Variants in ADAMTSL2 observed in about 807,000 individuals in gnomAD.
The protein encoded by ADAMTSL2 is ADAMTS-like protein 2.
Under a neutral mutation model 117.0 loss-of-function variants are expected in ADAMTSL2, and 55 were observed. The observed-to-expected ratio is 0.47, with a 90% confidence interval of 0.38 to 0.59. The LOEUF is 0.59. Among genes scored for constraint, ADAMTSL2 ranks in the 20% least tolerant of loss-of-function variants. ADAMTSL2 has a pLI of 0.00. For synonymous variants in ADAMTSL2, 572 were observed against 566.4 expected, an observed-to-expected ratio of 1.01 and a Z score of -0.14; for missense variants, 1,182 against 1,354.5, an observed-to-expected ratio of 0.87 and a Z score of 2.00.
intron 7 of ADAMTSL2, among the ~76,000 whole-genome samples, chr9:133,544,020 C>A (rs1375655134): frequency 6.6e-6 from 1 of 152,260 alleles, no homozygotes; most frequent in African/African-American, 2.4e-5. Flanking sequence ...TGTCCTTTCT[C>A]ACCCACGTCT....
At chr9:133,551,909 A>C (rs1409358078) in intron 9 of ADAMTSL2, among the ~76,000 whole-genome samples, 1 of 148,228 alleles carries the variant, frequency 6.7e-6, no homozygotes, top group African/African-American at 2.5e-5. Flanking sequence ...AGCTCCCTGC[A>C]ACCTCCGCCT....
In ADAMTSL2 at chr9:133,574,794, A is replaced by G. The variant is rs1409086008; in HGVS notation, c.2786A>G (p.Lys929Arg). The G allele has an allele frequency of 5.6e-6, 9 of 1,613,608 alleles. No individual in the cohort carries two copies. Among genetic ancestry groups the G allele is most frequent in the Middle Eastern group, 3.3e-4 (2 of 6,084 alleles). Residue 929 changes from lysine to arginine, a missense_variant, in exon 19 of 19, where the codon AAA becomes AGA. Lys to Arg is a conservative substitution (Grantham distance 26). Transcript: ENST00000651351. The stretch of plus-strand genomic sequence containing the variant: ...GGCACCAACTGTGCCCTGGCCATCA[A>G]AGTGAACCTCTGCGGGCACTGGTAC... ...QPGTNCALAI[K>R]VNLCGHWYYS...
Position 133,570,336 on chromosome 9 carries a change from C to T in ADAMTSL2, c.2421C>T (p.Asn807=), listed in dbSNP as rs953131342. The T allele has an allele frequency of 1.3e-6, 2 of 1,544,982 alleles. No homozygotes were observed. The highest frequency in any genetic ancestry group is 1.7e-6 in the Non-Finnish European group (2 of 1,146,954). Residue 807 remains asparagine (N), a synonymous_variant, in exon 17 of 19, where the codon AAC becomes AAT. Coordinates refer to ENST00000651351, the MANE Select transcript of ADAMTSL2 (RefSeq NM_014694.4). ...TCCCTCTGCCCCGGCCTCAGTGCAACACCACCTGCGGGCGCGGGGTCAAGA... is the reference window on the plus strand; with the variant it reads ...TCCCTCTGCCCCGGCCTCAGTGCAATACCACCTGCGGGCGCGGGGTCAAGA... ...HWLAQDWERC[N]TTCGRGVKKR...
Position 133,534,772 on chromosome 9 carries a change from CG to C in ADAMTSL2, c.-291del. On this transcript the variant is annotated 5_prime_UTR_variant, in exon 1 of 19. An upstream open reading frame in the 5' UTR gains an earlier in-frame stop. Coordinates refer to ENST00000651351, the MANE Select transcript of ADAMTSL2 (RefSeq NM_014694.4). ...TTTGAAGTGGGAGAGGGAGGCGGCGCGGGGGAGGAGGGGAAGGGGAGAGGGA... is the reference window on the plus strand; with the variant it reads ...TTTGAAGTGGGAGAGGGAGGCGGCGCGGGGAGGAGGGGAAGGGGAGAGGGA... 1 of 1,462,074 alleles carries C rather than the reference CG, an allele frequency of 6.8e-7. No homozygotes were observed. The highest frequency in any genetic ancestry group is 9.1e-7 in the Non-Finnish European group (1 of 1,100,186). 90.6% of individuals were successfully genotyped at this position (1,462,074 alleles called of 1,614,324 possible). A position where few individuals can be genotyped will look rare whatever the true frequency, so the allele number is the denominator to read the frequency against.
chr9:133,544,119 G>A (rs1322293190), intron 7 of ADAMTSL2, among the ~76,000 whole-genome samples: 1 of 152,238 alleles, frequency 6.6e-6, no homozygotes, highest in Admixed American at 6.5e-5. Context: ...GGGAGCTGGG[G>A]CTCCATCGGC....
At chr9:133,569,334 GGACT>G (rs1274012947) in intron 15 of ADAMTSL2, 70 bp from the exon 16 acceptor site, 1 of 1,517,654 alleles carries the variant, frequency 6.6e-7, no homozygotes, top group Non-Finnish European at 9.1e-7. Context: ...CTCTCCCTTG[GGACT>G]GACATCCAGG....
intron 17 of ADAMTSL2, among the ~76,000 whole-genome samples, chr9:133,571,486 C>G (rs989659848): frequency 2.6e-5 from 4 of 152,198 alleles, no homozygotes; most frequent in Non-Finnish European, 5.9e-5. Context: ...TCTTGCAGAG[C>G]AAACAGGTTG....
rs113927920 is a variant in ADAMTSL2, at chr9:133,568,796, G to A, written c.2244+38G>A. 5 of 1,612,464 alleles carry A rather than the reference G, an allele frequency of 3.1e-6. No homozygotes were observed. The African/African-American group carries it at 4.0e-5, about 13-fold the overall frequency. ...CTGAGGGGTGGCTGGGCGTGCGGCT[G>A]GTGAGGGGACCCAGAGCTTTGCCTT... On this transcript the variant is annotated intron_variant, in intron 15 of 18. Transcript: ENST00000651351.
intron 9 of ADAMTSL2, among the ~76,000 whole-genome samples, chr9:133,547,570 A>G (rs1830381632): frequency 6.6e-6 from 1 of 152,242 alleles, no homozygotes; most frequent in Non-Finnish European, 1.5e-5. Context: ...CACTGTGGCT[A>G]GCTTCCCTGG....
Position 133,555,835 on chromosome 9 carries a change from C to T in ADAMTSL2, c.1554C>T (p.Ser518=), listed in dbSNP as rs1489226152. The change falls in exon 11 of 19, where the codon AGC becomes AGT. Residue 518 remains serine (S), a synonymous_variant. Coordinates refer to ENST00000651351, the MANE Select transcript of ADAMTSL2 (RefSeq NM_014694.4). The part of the protein sequence containing the change: ...YLLNGSYLEL[S]SDRVANSSSE... ...TCAACGGGTCCTACCTGGAGCTGAGCAGCGACAGGGTTGCCAACAGCTCCT... is the reference window on the plus strand; with the variant it reads ...TCAACGGGTCCTACCTGGAGCTGAGTAGCGACAGGGTTGCCAACAGCTCCT... The T allele has an allele frequency of 3.1e-6, 5 of 1,613,634 alleles. No individual in the cohort carries two copies. The African/African-American group carries it at 6.7e-5, about 21-fold the overall frequency.
intron 13 of ADAMTSL2, among the ~76,000 whole-genome samples, chr9:133,568,017 G>A (rs948129331): frequency 1.2e-4 from 18 of 152,360 alleles, no homozygotes; most frequent in African/African-American, 4.3e-4. Context: ...GCACGAAGGG[G>A]CAGGAAGGCC....
Position 133,562,588 on chromosome 9 carries a change from TCGCACCGCCG to T in ADAMTSL2, c.1747+1294_1747+1303del, listed in dbSNP as rs1162760969. On this transcript the variant is annotated intron_variant, in intron 12 of 18. Coordinates refer to ENST00000651351, the MANE Select transcript of ADAMTSL2 (RefSeq NM_014694.4). ...TGGCGGGCACCCTGCTGGGCCCGGCTCGCACCGCCGTGGGCGGCGTGGCGGGCACCCGGCT... is the reference window on the plus strand; with the variant it reads ...TGGCGGGCACCCTGCTGGGCCCGGCTTGGGCGGCGTGGCGGGCACCCGGCT... 8.4e-4 allele frequency among the ~76,000 whole-genome samples: 82 copies of T among 97,738 alleles called. 2 individuals carry two copies. Among genetic ancestry groups the T allele is most frequent in the African/African-American group, 2.3e-3 (52 of 22,418 alleles). 64.1% of individuals were successfully genotyped at this position (97,738 alleles called of 152,430 possible). A position where few individuals can be genotyped will look rare whatever the true frequency, so the allele number is the denominator to read the frequency against.
chr9:133,534,812 C>A lies in ADAMTSL2; in HGVS notation c.-256C>A. 6.7e-7 allele frequency: 1 copy of A among 1,491,286 alleles called. No homozygotes were observed. Among genetic ancestry groups the A allele is most frequent in the South Asian group, 1.3e-5 (1 of 77,834 alleles). 92.4% of individuals were successfully genotyped at this position (1,491,286 alleles called of 1,614,324 possible). ...AGGGGAGAGGGAGGCCGGGCCGCAG[C>A]CTCTGCACTCACGCCGCCCCCGCAC... On this transcript the variant is annotated 5_prime_UTR_variant, in exon 1 of 19. Transcript: ENST00000651351.
At chr9:133,565,874 C>CACAT (rs1412659047) in intron 12 of ADAMTSL2, among the ~76,000 whole-genome samples, 1,996 of 151,940 alleles carry the variant, frequency 0.013, 23 homozygotes, top group Middle Eastern at 0.038. Flanking sequence ...CACACACACA[C>CACAT]AGCCACAGCA....
chr9:133,563,828 A>AGG (rs1830810049), intron 12 of ADAMTSL2, among the ~76,000 whole-genome samples: 1 of 85,526 alleles, frequency 1.2e-5, no homozygotes, highest in African/African-American at 4.9e-5. Context: ...GGAGAGAGAG[A>AGG]GAGAGAGAGA....
At chr9:133,544,601 C>A (rs143616607) in intron 8 of ADAMTSL2, 51 bp downstream of exon 8, 1 of 1,505,578 alleles carries the variant, frequency 6.6e-7, no homozygotes, top group Non-Finnish European at 9.2e-7. Flanking sequence ...GGTTGTGGAG[C>A]GTTGTGCGTG....
rs1323525825 is a variant in ADAMTSL2 at position 133,568,769 on chromosome 9, C to T, written c.2244+11C>T. ...TCCGACTGGGGACCGGTGAGGCCTG[C>T]ACTGAGGGGTGGCTGGGCGTGCGGC... On this transcript the variant is annotated intron_variant, in intron 15 of 18. Coordinates refer to ENST00000651351, the MANE Select transcript of ADAMTSL2 (RefSeq NM_014694.4). 2 of 1,612,774 alleles carry T rather than the reference C, an allele frequency of 1.2e-6. No individual in the cohort carries two copies. The highest frequency in any genetic ancestry group is 1.7e-6 in the Non-Finnish European group (2 of 1,179,960).
Position 133,557,547 on chromosome 9 carries a change from G to T in ADAMTSL2, c.1649+1617G>T, listed in dbSNP as rs1164263706. Among the ~76,000 whole-genome samples, 3 of 152,168 alleles carry T rather than the reference G, an allele frequency of 2.0e-5. No individual in the cohort carries two copies. Among genetic ancestry groups the T allele is most frequent in the Non-Finnish European group, 4.4e-5 (3 of 68,026 alleles). On this transcript the variant is annotated intron_variant, in intron 11 of 18. Coordinates refer to ENST00000651351, the MANE Select transcript of ADAMTSL2 (RefSeq NM_014694.4). This position sits in a 1 kb window ranked among gnomAD's most constrained non-coding sequence, Gnocchi z 5.2. ...GTATAGTGTCTGAGTCTGAGAGGGG[G>T]TCCTGGGTAAAGGGCAGGAGGGACG...
chr9:133,536,779 G>A lies in ADAMTSL2; in HGVS notation c.67G>A (p.Asp23Asn), dbSNP rs868071341. 1.2e-6 allele frequency: 2 copies of A among 1,614,172 alleles called. No individual in the cohort carries two copies. The highest frequency in any genetic ancestry group is 1.1e-5 in the South Asian group (1 of 91,086). ...FLLVLAVVAGDTVSTGSTDNS... is the reference protein window; with the variant it reads ...FLLVLAVVAGNTVSTGSTDNS... ...GCTGGTTCTGGCAGTTGTAGCTGGG[G>A]ACACAGTGTCAACCGGGTCCACGGT... The change falls in exon 2 of 19, where the codon GAC (aspartate) becomes AAC (asparagine). Residue 23 changes from aspartate to asparagine, a missense_variant. By Grantham distance (23) the Asp-to-Asn change is conservative. This residue lies in a region of ADAMTSL2 where 372 missense variants were observed against 463.4 expected (regional missense o/e 0.80). Transcript: ENST00000651351.
Sources: gnomAD v4.1 joint callset for allele counts (sites outside exome capture counted in the v4.1 genomes callset) on GRCh38, gnomAD v4.1.1 for gene constraint, gnomAD v4.1.1 regional missense constraint, Gnocchi (gnomAD v3.1) non-coding constraint, MANE v1.5 for transcripts, NCBI Gene and HGNC (gene_info 2026-07-23, HGNC 2026-07-21) for gene names.